The following SMYD3 variants were observed in gnomAD, a reference collection of about 807,000 sequenced individuals.
The protein encoded by SMYD3 is SET and MYND domain containing 3.
In SMYD3, 36 loss-of-function variants were observed where a neutral mutation model predicts 57.7. The ratio of observed to expected loss-of-function variants is 0.62; its 90% CI spans 0.48 to 0.82. The LOEUF (loss-of-function observed/expected upper bound fraction) is 0.82, where lower values mean the gene tolerates loss of function less well. Among genes scored for constraint, SMYD3 ranks in the 40% least tolerant of loss-of-function variants. The pLI, the probability that SMYD3 is intolerant of heterozygous loss-of-function variation, is 0.00. For synonymous variants in SMYD3, 211 were observed against 195.0 expected (o/e 1.08, Z -0.68); for missense variants, 515 against 538.8 (o/e 0.96, Z 0.44).
chr1:246,354,417 A>C (rs10802395), intron 2 of SMYD3, among the ~76,000 whole-genome samples: 38,088 of 152,146 alleles, frequency 0.25, 5,239 homozygotes, highest in East Asian at 0.51. Context: ...CAATACAATA[A>C]GAATTTATCC....
chr1:246,055,635 A>G (rs1487957957), intron 5 of SMYD3, among the ~76,000 whole-genome samples: 1 of 152,202 alleles, frequency 6.6e-6, no homozygotes, highest in Non-Finnish European at 1.5e-5. Context: ...GGAGAAATCA[A>G]ATGTGGTATA....
At chr1:246,365,374 G>C (rs996797472) in intron 1 of SMYD3, among the ~76,000 whole-genome samples, 24 of 151,014 alleles carry the variant, frequency 1.6e-4, no homozygotes, top group African/African-American at 5.8e-4. Context: ...ACAAGCCTGT[G>C]GTCCCAGCTA....
intron 5 of SMYD3, among the ~76,000 whole-genome samples, chr1:246,041,686 A>T (rs1021460476): frequency 6.6e-6 from 1 of 152,190 alleles, no homozygotes; most frequent in African/African-American, 2.4e-5. Flanking sequence ...GAGTGATCAC[A>T]TAAACTGGGT....
chr1:246,284,340 G>C (rs1241390213), intron 5 of SMYD3, among the ~76,000 whole-genome samples: 3 of 152,080 alleles, frequency 2.0e-5, no homozygotes, highest in African/African-American at 7.2e-5. Context: ...GGGTTACCAG[G>C]TCAGCAACGT....
At chr1:246,371,624 A>C (rs1414496553) in intron 1 of SMYD3, among the ~76,000 whole-genome samples, 1 of 152,246 alleles carries the variant, frequency 6.6e-6, no homozygotes, top group Admixed American at 6.5e-5. Context: ...ATTTCAAATA[A>C]GGTATAACAA....
At chr1:246,264,799 CAAAG>C (rs2064073201) in intron 5 of SMYD3, among the ~76,000 whole-genome samples, 1 of 152,258 alleles carries the variant, frequency 6.6e-6, no homozygotes, top group Admixed American at 6.5e-5. Flanking sequence ...TAAATATCTA[CAAAG>C]AAAGACAGTG....
At position 245,765,114 on chromosome 1, in the gene SMYD3, C is replaced by T. The variant is rs546903156; in HGVS notation, c.1077-965G>A. On this transcript the variant is annotated intron_variant, in intron 10 of 11. Coordinates refer to ENST00000490107, the MANE Select transcript of SMYD3 (RefSeq NM_001167740.2). ...TTAAATGAGCTTTTCAGGACAGGTG[C>T]GATGGCTCACACCTGTAATCCCAGC... Among the ~76,000 whole-genome samples, 23 of 147,900 alleles carry T rather than the reference C, an allele frequency of 1.6e-4. 1 individual carries two copies. Among genetic ancestry groups the T allele is most frequent in the Admixed American group, 1.3e-3 (19 of 14,272 alleles).
intron 1 of SMYD3, among the ~76,000 whole-genome samples, chr1:246,422,785 T>C (rs1384452113): frequency 1.3e-5 from 2 of 152,178 alleles, no homozygotes; most frequent in African/African-American, 4.8e-5. Flanking sequence ...TTTTTTAAGA[T>C]AGCTCTATCT....
At chr1:246,297,501 G>T (rs2148606914) in intron 5 of SMYD3, among the ~76,000 whole-genome samples, 1 of 152,224 alleles carries the variant, frequency 6.6e-6, no homozygotes, top group Non-Finnish European at 1.5e-5. Context: ...CTAAGATCAA[G>T]AACCCTCAAC....
intron 10 of SMYD3, among the ~76,000 whole-genome samples, chr1:245,793,076 C>A (rs183686931): frequency 0.038 from 2,029 of 53,466 alleles, 48 homozygotes; most frequent in African/African-American, 0.15. Context: ...TTTGGGAGGC[C>A]GAGGCGGGTG....
rs1314573176 is a variant in SMYD3 at position 246,143,160 on chromosome 1, CACACAA to C, written c.531+184035_531+184040del. ...ACACACACACACACACACACACACA[CACACAA>C]ACATGCATCCTCCAATTAGACTAAC... On this transcript the variant is annotated intron_variant, in intron 5 of 11. Coordinates refer to ENST00000490107, the MANE Select transcript of SMYD3 (RefSeq NM_001167740.2). Among the ~76,000 whole-genome samples the C allele has an allele frequency of 8.2e-3, 1,170 of 142,178 alleles. 23 individuals carry two copies. The highest frequency in any genetic ancestry group is 0.027 in the African/African-American group (1,030 of 38,524). The allele number at this position is 142,178 out of a possible 152,430, so 93.3% of individuals were successfully genotyped here. A position where few individuals can be genotyped will look rare whatever the true frequency, so the allele number is the denominator to read the frequency against.
At chr1:246,168,768 T>C (rs944160400) in intron 5 of SMYD3, among the ~76,000 whole-genome samples, 1 of 152,094 alleles carries the variant, frequency 6.6e-6, no homozygotes, top group Non-Finnish European at 1.5e-5. Flanking sequence ...CCTGCTTGGG[T>C]CTAAAAGTCA....
At chr1:246,133,384 T>C (rs540305482) in intron 5 of SMYD3, among the ~76,000 whole-genome samples, 1 of 152,146 alleles carries the variant, frequency 6.6e-6, no homozygotes, top group South Asian at 2.1e-4. Flanking sequence ...TGAGAATGTT[T>C]CCCATAACAA....
intron 1 of SMYD3, among the ~76,000 whole-genome samples, chr1:246,427,355 C>G (rs2067233499): frequency 1.3e-5 from 2 of 151,242 alleles, no homozygotes. Flanking sequence ...CCCGTCTCTA[C>G]TAAAAATACA....
In SMYD3 at chr1:246,092,046, T is replaced by C. The variant is rs549626633; in HGVS notation, c.532-162109A>G. Among the ~76,000 whole-genome samples the C allele has an allele frequency of 1.1e-4, 17 of 152,288 alleles. No individual in the cohort carries two copies. In the South Asian group the frequency reaches 3.1e-3, roughly 28 times the overall value. ...AAAAAGTATATGTAGCTTTTACTAA[T>C]AAATATTATATAAGATTCTGTTATC... is the stretch of plus-strand genomic sequence containing the variant. On this transcript the variant is annotated intron_variant, in intron 5 of 11. Transcript: ENST00000490107.
chr1:245,962,471 T>C (rs1201668751), intron 5 of SMYD3, among the ~76,000 whole-genome samples: 1 of 152,194 alleles, frequency 6.6e-6, no homozygotes, highest in Non-Finnish European at 1.5e-5. Flanking sequence ...GCCTCTGTCA[T>C]TGAAGACCTT....
At chr1:246,342,581 T>C (rs1396764646) in intron 2 of SMYD3, among the ~76,000 whole-genome samples, 3 of 152,200 alleles carry the variant, frequency 2.0e-5, no homozygotes, top group East Asian at 3.8e-4. Flanking sequence ...CAAAAAAATC[T>C]CTTTAGAGCA....
At chr1:246,314,621 T>G (rs1271886412) in intron 5 of SMYD3, among the ~76,000 whole-genome samples, 2 of 152,204 alleles carry the variant, frequency 1.3e-5, no homozygotes, top group Non-Finnish European at 2.9e-5. Flanking sequence ...TAATACTCAT[T>G]TGCTTCCTGG....
chr1:245,814,447 A>G (rs2148304003), intron 10 of SMYD3: 1 of 896,314 alleles, frequency 1.1e-6, no homozygotes, highest in East Asian at 1.2e-4. Flanking sequence ...AAACGAAAAA[A>G]TAAACAATAA....
Sources: gnomAD v4.1 joint callset for allele counts (sites outside exome capture counted in the v4.1 genomes callset) on GRCh38, gnomAD v4.1.1 for gene constraint, MANE v1.5 for transcripts, NCBI Gene and HGNC (gene_info 2026-07-23, HGNC 2026-07-21) for gene names.